DNAI7: variants seen among roughly 807,000 people sequenced by gnomAD.
The protein encoded by DNAI7 is dynein axonemal intermediate chain 7.
A neutral mutation model predicts 86.6 loss-of-function variants in DNAI7; 78 were observed. That is an observed-to-expected ratio of 0.90 (90% CI 0.75 to 1.09). The LOEUF is 1.09. Among genes scored for constraint, DNAI7 ranks in the 50% least tolerant of loss-of-function variants. The probability of loss-of-function intolerance (pLI) is 0.00; values close to 1 mark genes in which losing one functional copy is unlikely to be tolerated. For missense variants in DNAI7, 753 were observed against 810.2 expected (o/e 0.93, Z 0.86); for synonymous variants, 274 against 273.0 (o/e 1.00, Z -0.04).
Position 25,147,755 on chromosome 12 carries a change from T to G in DNAI7, c.586-651A>C, listed in dbSNP as rs142938484. Among the ~76,000 whole-genome samples the G allele has an allele frequency of 1.2e-3, 190 of 152,338 alleles. 1 individual carries two copies. The highest frequency in any genetic ancestry group is 4.4e-3 in the African/African-American group (185 of 41,574). ...ATAACATCAGAATCATGACTTTTCA[T>G]TTTAACTATACACATGCTGCTTTAT... On this transcript the variant is annotated intron_variant, in intron 7 of 15. Transcript: ENST00000395987.
intron 7 of DNAI7, among the ~76,000 whole-genome samples, chr12:25,148,484 C>A (rs2140903775): frequency 6.6e-6 from 1 of 152,320 alleles, no homozygotes; most frequent in Middle Eastern, 3.4e-3. Context: ...ATGTATTCCT[C>A]AACAGCTTTT....
intron 7 of DNAI7, among the ~76,000 whole-genome samples, chr12:25,148,890 T>G (rs1478920220): frequency 6.6e-6 from 1 of 152,204 alleles, no homozygotes; most frequent in Non-Finnish European, 1.5e-5. Context: ...GCCCCAGAAC[T>G]GAAATCCCAC....
At chr12:25,178,248 G>A (rs1287172402) in intron 2 of DNAI7, among the ~76,000 whole-genome samples, 3 of 151,770 alleles carry the variant, frequency 2.0e-5, no homozygotes, top group Non-Finnish European at 2.9e-5. Context: ...TTTCTTTCTG[G>A]GAATATTTAT....
chr12:25,123,871 C>T (rs537051852), intron 9 of DNAI7, among the ~76,000 whole-genome samples: 1 of 152,238 alleles, frequency 6.6e-6, no homozygotes, highest in Admixed American at 6.5e-5. Context: ...TGGTATTTAA[C>T]TGTGTATCAG....
intron 2 of DNAI7, among the ~76,000 whole-genome samples, chr12:25,163,198 C>T (rs1947027973): frequency 6.6e-6 from 1 of 152,236 alleles, no homozygotes; most frequent in African/African-American, 2.4e-5. Flanking sequence ...TGGTACCTCA[C>T]ATTTCAATAC....
At position 25,108,319 on chromosome 12, in the gene DNAI7, A is replaced by T; in HGVS notation, c.*229T>A. 1 of 538,822 alleles carries T rather than the reference A, an allele frequency of 1.9e-6. No homozygotes were observed. The highest frequency in any genetic ancestry group is 3.2e-6 in the Non-Finnish European group (1 of 315,838). The allele number at this position is 538,822 out of a possible 1,614,324, so 33.4% of individuals were successfully genotyped here. A position where few individuals can be genotyped will look rare whatever the true frequency, so the allele number is the denominator to read the frequency against. ...TTTGTTAAAGTTTATTGAAATAAAG[A>T]ATCATTTAAATCTTCATAGAGTGAA... is the stretch of plus-strand genomic sequence containing the variant. On this transcript the variant is annotated 3_prime_UTR_variant, in exon 16 of 16. Coordinates refer to ENST00000395987, the MANE Select transcript of DNAI7 (RefSeq NM_018272.5).
At chr12:25,133,708 A>G (rs952455116) in intron 9 of DNAI7, among the ~76,000 whole-genome samples, 3 of 152,206 alleles carry the variant, frequency 2.0e-5, no homozygotes, top group African/African-American at 7.2e-5. Context: ...ATACATAAGC[A>G]TAAGCGTCTA....
At chr12:25,141,619 A>G (rs1944194202) in intron 9 of DNAI7, among the ~76,000 whole-genome samples, 1 of 152,204 alleles carries the variant, frequency 6.6e-6, no homozygotes, top group African/African-American at 2.4e-5. Context: ...CCATGAGGTC[A>G]GGAGATTGAG....
At chr12:25,188,616 G>A (rs1406698716) in intron 2 of DNAI7, among the ~76,000 whole-genome samples, 3 of 148,188 alleles carry the variant, frequency 2.0e-5, no homozygotes. Context: ...GAAGGTTGCA[G>A]TAAGCCAAGA....
In DNAI7 at chr12:25,114,842, G is replaced by A; in HGVS notation, c.1425C>T (p.Ser475=). The A allele has an allele frequency of 6.2e-7, 1 of 1,613,654 alleles. No homozygotes were observed. Among genetic ancestry groups the A allele is most frequent in the Non-Finnish European group, 8.5e-7 (1 of 1,179,592 alleles). The change falls in exon 13 of 16, where the codon AGC becomes AGT. Residue 475 remains serine, a synonymous_variant. Transcript: ENST00000395987. ...EGKHWRTDGI[S]NVSYKPKERL... The stretch of plus-strand genomic sequence containing the variant: ...TTTCTTTTGGTTTGTAGGATACATT[G>A]CTGATGCCATCAGTTCTCCAATGTT...
chr12:25,160,513 C>T (rs375945165), intron 3 of DNAI7, among the ~76,000 whole-genome samples: 1 of 152,182 alleles, frequency 6.6e-6, no homozygotes, highest in Non-Finnish European at 1.5e-5. Context: ...GCCCTGAATC[C>T]GGCCAAAGCG....
At chr12:25,159,897 G>A (rs546163628) in intron 3 of DNAI7, among the ~76,000 whole-genome samples, 9 of 151,792 alleles carry the variant, frequency 5.9e-5, no homozygotes, top group Non-Finnish European at 1.2e-4. Flanking sequence ...ATCACTTTTT[G>A]GTACTTTAAT....
At chr12:25,184,033 C>G (rs1281330512) in intron 2 of DNAI7, among the ~76,000 whole-genome samples, 1 of 152,120 alleles carries the variant, frequency 6.6e-6, no homozygotes, top group Non-Finnish European at 1.5e-5. Context: ...TTCCCAAGGA[C>G]TTTAGAATGT....
intron 8 of DNAI7, among the ~76,000 whole-genome samples, chr12:25,146,636 C>CT (rs1944875608): frequency 6.6e-6 from 1 of 151,472 alleles, no homozygotes; most frequent in African/African-American, 2.4e-5. Context: ...ACCACTTCTA[C>CT]TTTTTTGGAG....
At chr12:25,191,969 T>C (rs1182358369) in intron 1 of DNAI7, among the ~76,000 whole-genome samples, 1 of 152,194 alleles carries the variant, frequency 6.6e-6, no homozygotes, top group East Asian at 1.9e-4. Flanking sequence ...TGGGAAATAT[T>C]AGTTCAACCC....
intron 2 of DNAI7, among the ~76,000 whole-genome samples, chr12:25,162,568 T>C (rs1430576166): frequency 6.6e-6 from 1 of 152,242 alleles, no homozygotes; most frequent in Non-Finnish European, 1.5e-5. Flanking sequence ...TTGGGATGTA[T>C]AGACTCTTGG....
intron 9 of DNAI7, among the ~76,000 whole-genome samples, chr12:25,124,913 G>A (rs1035234657): frequency 8.0e-6 from 1 of 124,608 alleles, no homozygotes; most frequent in African/African-American, 2.5e-5. Context: ...AAGGATAATA[G>A]CCTTCAGCTC....
At chr12:25,136,554 T>C (rs1425891578) in intron 9 of DNAI7, among the ~76,000 whole-genome samples, 1 of 151,940 alleles carries the variant, frequency 6.6e-6, no homozygotes, top group Non-Finnish European at 1.5e-5. Flanking sequence ...ATCCAAACCA[T>C]GAAAAAAATC....
intron 1 of DNAI7, among the ~76,000 whole-genome samples, chr12:25,194,488 T>TA (rs1950853761): frequency 6.6e-6 from 1 of 152,182 alleles, no homozygotes; most frequent in African/African-American, 2.4e-5. Flanking sequence ...AAACCACATT[T>TA]AAGAAAATCA....
Sources: allele counts gnomAD v4.1 joint callset (sites outside exome capture counted in the v4.1 genomes callset), GRCh38; gene constraint gnomAD v4.1.1; transcripts MANE v1.5; gene names NCBI Gene and HGNC (gene_info 2026-07-23, HGNC 2026-07-21).